Variants in NAT8 observed in about 807,000 individuals in gnomAD.
The protein encoded by NAT8 is N-acetyltransferase 8.
For missense variants in NAT8, 357 were observed against 287.1 expected, an observed-to-expected ratio of 1.24 and a Z score of -1.76; for synonymous variants, 131 against 115.4, an observed-to-expected ratio of 1.14 and a Z score of -0.87.
At position 73,641,519 on chromosome 2, in the gene NAT8, A is replaced by G. The variant is rs1676400011; in HGVS notation, c.110T>C (p.Leu37Pro). Residue 37 changes from leucine (L) to proline (P), a missense_variant, in exon 2 of 2, where the codon CTG becomes CCG. Physicochemically the swap from Leu to Pro is moderately conservative, Grantham distance 98. Coordinates refer to ENST00000272425, the MANE Select transcript of NAT8 (RefSeq NM_003960.4). ...GAGTATGAGGGTTCGAGGCAGCTTC[A>G]GCAATTGCCGGAAGGTGGCTGGGGC... The part of the protein sequence containing the change: ...EHAPATFRQL[L>P]KLPRTLILLL... 3.7e-6 allele frequency: 6 copies of G among 1,613,578 alleles called. No homozygotes were observed. Among genetic ancestry groups the G allele is most frequent in the Non-Finnish European group, 5.1e-6 (6 of 1,179,794 alleles).
rs1195933356 is a variant in NAT8 at position 73,641,314 on chromosome 2, A to G, written c.315T>C (p.Arg105=). Residue 105 remains arginine (R), a synonymous_variant, in exon 2 of 2, where the codon CGT becomes CGC. Coordinates refer to ENST00000272425, the MANE Select transcript of NAT8 (RefSeq NM_003960.4). ...SDITKSYLSE[R]GSCFWVAESE... Reference sequence around the variant, plus strand: ...ACTCAGCCACCCAGAAGCAGGAGCCACGCTCACTCAGGTAGGATTTGGTAA... The same window carrying G: ...ACTCAGCCACCCAGAAGCAGGAGCCGCGCTCACTCAGGTAGGATTTGGTAA... The G allele has an allele frequency of 6.2e-7, 1 of 1,614,144 alleles. No individual in the cohort carries two copies. Among genetic ancestry groups the G allele is most frequent in the Non-Finnish European group, 8.5e-7 (1 of 1,180,036 alleles).
chr2:73,640,924 A>T lies in NAT8; in HGVS notation c.*21T>A. 6.3e-7 allele frequency: 1 copy of T among 1,590,530 alleles called. No individual in the cohort carries two copies. Among genetic ancestry groups the T allele is most frequent in the Non-Finnish European group, 8.6e-7 (1 of 1,169,068 alleles). On this transcript the variant is annotated 3_prime_UTR_variant, in exon 2 of 2. Coordinates refer to ENST00000272425, the MANE Select transcript of NAT8 (RefSeq NM_003960.4). ...CTACAGCTGAATGGATTCTATTCTG[A>T]CCAATACACACAGAAAGAGATCACA...
In NAT8 at chr2:73,641,561, C is replaced by T. The variant is rs372902611; in HGVS notation, c.68G>A (p.Arg23Gln). 3.2e-5 allele frequency: 51 copies of T among 1,602,286 alleles called. No individual in the cohort carries two copies. Among genetic ancestry groups the T allele is most frequent in the African/African-American group, 2.3e-4 (17 of 74,894 alleles). Reference sequence around the variant, plus strand: ...GGCTGGGGCATGCTCGGCCATCCCCCGGGAGAGCAAGCCCACAACCCACTG... The same window carrying T: ...GGCTGGGGCATGCTCGGCCATCCCCTGGGAGAGCAAGCCCACAACCCACTG... Reference protein sequence around the residue: ...DRQWVVGLLSRGMAEHAPATF... With the variant: ...DRQWVVGLLSQGMAEHAPATF... Residue 23 changes from arginine (R) to glutamine (Q), a missense_variant, in exon 2 of 2, where the codon CGG becomes CAG. By Grantham distance (43) the Arg-to-Gln change is conservative. Coordinates refer to ENST00000272425, the MANE Select transcript of NAT8 (RefSeq NM_003960.4).
chr2:73,641,343 C>CA lies in NAT8; in HGVS notation c.285dup (p.Asp96Ter). On this transcript the variant is annotated frameshift_variant, in exon 2 of 2. Coordinates refer to ENST00000272425, the MANE Select transcript of NAT8 (RefSeq NM_003960.4). LOFTEE classifies it low-confidence loss of function (END_TRUNC). ...TCACTCAGGTAGGATTTGGTAATGT[C>CA]AGACATGTCTGTGCACAATGTCATG... 1 of 1,614,110 alleles carries CA rather than the reference C, an allele frequency of 6.2e-7. No homozygotes were observed. The highest frequency in any genetic ancestry group is 2.2e-5 in the East Asian group (1 of 44,874).
Position 73,640,817 on chromosome 2 carries a change from C to G in NAT8, c.*128G>C. ...CCAGAAGCTACCCCACAAGCAATCA[C>G]ATGGGACTCAGATGTGAATGGACAA... On this transcript the variant is annotated 3_prime_UTR_variant, in exon 2 of 2. Coordinates refer to ENST00000272425, the MANE Select transcript of NAT8 (RefSeq NM_003960.4). 4.8e-6 allele frequency: 5 copies of G among 1,035,446 alleles called. No homozygotes were observed. The highest frequency in any genetic ancestry group is 5.4e-6 in the Non-Finnish European group (4 of 736,122). 64.1% of individuals were successfully genotyped at this position (1,035,446 alleles called of 1,614,324 possible). A position where few individuals can be genotyped will look rare whatever the true frequency, so the allele number is the denominator to read the frequency against.
intron 1 of NAT8, 95 bp downstream of exon 1, chr2:73,642,223 A>T: frequency 6.6e-6 from 1 of 152,226 alleles, no homozygotes; most frequent in Non-Finnish European, 1.5e-5. Flanking sequence ...AGGTTGCTGA[A>T]GTGGCATAAG....
rs371135522 is a variant in NAT8 at position 73,641,716 on chromosome 2, A to G, written c.-74-14T>C. ...CTTTACGTCAGACTGGGGAAGAGAG[A>G]GAAAATCATGTGAGTGCCTGCATGG... On this transcript the variant is annotated splice_polypyrimidine_tract_variant and intron_variant, in intron 1 of 1. Coordinates refer to ENST00000272425, the MANE Select transcript of NAT8 (RefSeq NM_003960.4). 6.9e-6 allele frequency: 10 copies of G among 1,442,384 alleles called. No homozygotes were observed. The highest frequency in any genetic ancestry group is 2.3e-5 in the Admixed American group (1 of 42,740). The allele number at this position is 1,442,384 out of a possible 1,614,324, so 89.3% of individuals were successfully genotyped here. A position where few individuals can be genotyped will look rare whatever the true frequency, so the allele number is the denominator to read the frequency against.
rs922785375 is a variant in NAT8 at position 73,641,500 on chromosome 2, G to A, written c.129C>T (p.Leu43=). The change falls in exon 2 of 2, where the codon CTC becomes CTT. Residue 43 remains leucine (L), a synonymous_variant. Coordinates refer to ENST00000272425, the MANE Select transcript of NAT8 (RefSeq NM_003960.4). ...FRQLLKLPRT[L]ILLLGGPLAL... ...CGAGGGGCCCCCCAAGTAAGAGTATGAGGGTTCGAGGCAGCTTCAGCAATT... is the reference window on the plus strand; with the variant it reads ...CGAGGGGCCCCCCAAGTAAGAGTATAAGGGTTCGAGGCAGCTTCAGCAATT... 2.5e-6 allele frequency: 4 copies of A among 1,613,754 alleles called. No individual in the cohort carries two copies. In the African/African-American group the frequency reaches 5.3e-5, roughly 22 times the overall value.
At position 73,641,719 on chromosome 2, in the gene NAT8, A is replaced by C; in HGVS notation, c.-74-17T>G. On this transcript the variant is annotated splice_polypyrimidine_tract_variant and intron_variant, in intron 1 of 1. Transcript: ENST00000272425. ...TACGTCAGACTGGGGAAGAGAGAGA[A>C]AATCATGTGAGTGCCTGCATGGCTC... The C allele has an allele frequency of 7.0e-7, 1 of 1,428,246 alleles. No homozygotes were observed. The highest frequency in any genetic ancestry group is 9.4e-7 in the Non-Finnish European group (1 of 1,064,356). 88.5% of individuals were successfully genotyped at this position (1,428,246 alleles called of 1,614,324 possible).
chr2:73,641,493 A>G lies in NAT8; in HGVS notation c.136T>C (p.Leu46=), dbSNP rs745739704. The G allele has an allele frequency of 2.5e-6, 4 of 1,613,944 alleles. No homozygotes were observed. The highest frequency in any genetic ancestry group is 2.5e-6 in the Non-Finnish European group (3 of 1,179,956). Residue 46 remains leucine, a synonymous_variant, in exon 2 of 2, where the codon TTA becomes CTA. Transcript: ENST00000272425. ...AGTAGGGCGAGGGGCCCCCCAAGTA[A>G]GAGTATGAGGGTTCGAGGCAGCTTC... ...LLKLPRTLIL[L]LGGPLALLLV...
rs1204913049 is a variant in NAT8, at chr2:73,642,300, T to A, written c.-75+18A>T. 1.3e-5 allele frequency: 2 copies of A among 152,090 alleles called. No homozygotes were observed. The highest frequency in any genetic ancestry group is 2.9e-5 in the Non-Finnish European group (2 of 68,038). The allele number at this position is 152,090 out of a possible 1,614,324, so 9.4% of individuals were successfully genotyped here. A position where few individuals can be genotyped will look rare whatever the true frequency, so the allele number is the denominator to read the frequency against. On this transcript the variant is annotated intron_variant, in intron 1 of 1. Transcript: ENST00000272425. ...AGGTGCATGCTCAGAGCACTGTCCT[T>A]CCACCCAGTCCCCTCACCTGTCACC...
rs1170945502 is a variant in NAT8, at chr2:73,641,351, T to A, written c.278A>T (p.Asp93Val). The change falls in exon 2 of 2, where the codon GAC becomes GTC. Residue 93 changes from aspartate to valine, a missense_variant. Transcript: ENST00000272425. ...TEYVDMTLCT[D>V]MSDITKSYLS... ...GTAGGATTTGGTAATGTCAGACATGTCTGTGCACAATGTCATGTCCACATA... is the reference window on the plus strand; with the variant it reads ...GTAGGATTTGGTAATGTCAGACATGACTGTGCACAATGTCATGTCCACATA... 8 of 1,613,994 alleles carry A rather than the reference T, an allele frequency of 5.0e-6. No individual in the cohort carries two copies. Among genetic ancestry groups the A allele is most frequent in the Admixed American group, 1.7e-5 (1 of 59,940 alleles).
rs968546261 is a variant in NAT8 at position 73,642,341 on chromosome 2, G to T, written c.-98C>A. ...ACCTGTCACCACAAGAGCCTTGAGT[G>T]TCCAGGGAGCTTCAGCTCTCAGCCG... is the stretch of plus-strand genomic sequence containing the variant. On this transcript the variant is annotated 5_prime_UTR_variant, in exon 1 of 2. Transcript: ENST00000272425. 12 of 152,356 alleles carry T rather than the reference G, an allele frequency of 7.9e-5. 1 individual carries two copies. Among genetic ancestry groups the T allele is most frequent in the African/African-American group, 2.9e-4 (12 of 41,570 alleles). 9.4% of individuals were successfully genotyped at this position (152,356 alleles called of 1,614,324 possible). A position where few individuals can be genotyped will look rare whatever the true frequency, so the allele number is the denominator to read the frequency against.
Position 73,641,740 on chromosome 2 carries a change from G to A in NAT8, c.-74-38C>T. 3.0e-6 allele frequency: 4 copies of A among 1,339,904 alleles called. 1 individual carries two copies. The highest frequency in any genetic ancestry group is 3.0e-6 in the Non-Finnish European group (3 of 990,542). 83.0% of individuals were successfully genotyped at this position (1,339,904 alleles called of 1,614,324 possible). ...GAGAAAATCATGTGAGTGCCTGCAT[G>A]GCTCCCAGCCTTGCAGGAACAGGGA... On this transcript the variant is annotated intron_variant, in intron 1 of 1. Coordinates refer to ENST00000272425, the MANE Select transcript of NAT8 (RefSeq NM_003960.4).
In NAT8 at chr2:73,640,746, A is replaced by G; in HGVS notation, c.*199T>C. 2 of 574,092 alleles carry G rather than the reference A, an allele frequency of 3.5e-6. No homozygotes were observed. The highest frequency in any genetic ancestry group is 3.1e-5 in the South Asian group (1 of 32,294). The allele number at this position is 574,092 out of a possible 1,614,324, so 35.6% of individuals were successfully genotyped here. A position where few individuals can be genotyped will look rare whatever the true frequency, so the allele number is the denominator to read the frequency against. On this transcript the variant is annotated 3_prime_UTR_variant, in exon 2 of 2. Transcript: ENST00000272425. ...TTATGCAACATTATGCTGGCACTAG[A>G]AAAATGAAACAGATGGGAATCAAAA...
At position 73,641,427 on chromosome 2, in the gene NAT8, T is replaced by G. The variant is rs1676396900; in HGVS notation, c.202A>C (p.Ile68Leu). Residue 68 changes from isoleucine (I) to leucine (L), a missense_variant, in exon 2 of 2, where the codon ATC becomes CTC. Physicochemically the swap from Ile to Leu is conservative, Grantham distance 5 (BLOSUM62 2). Transcript: ENST00000272425. ...GSWLLALVFS[I>L]SLFPALWFLA... Reference sequence around the variant, plus strand: ...AACCACAGGGCAGGGAAGAGGCTGATGCTGAACACGAGGGCTAGAAGCCAG... The same window carrying G: ...AACCACAGGGCAGGGAAGAGGCTGAGGCTGAACACGAGGGCTAGAAGCCAG... 2 of 1,614,092 alleles carry G rather than the reference T, an allele frequency of 1.2e-6. No homozygotes were observed. Among genetic ancestry groups the G allele is most frequent in the South Asian group, 1.1e-5 (1 of 91,080 alleles).
Position 73,641,489 on chromosome 2 carries a change from A to G in NAT8, c.140T>C (p.Leu47Pro), listed in dbSNP as rs778922687. ...LKLPRTLILL[L>P]GGPLALLLVS... Reference sequence around the variant, plus strand: ...CAGGAGTAGGGCGAGGGGCCCCCCAAGTAAGAGTATGAGGGTTCGAGGCAG... The same window carrying G: ...CAGGAGTAGGGCGAGGGGCCCCCCAGGTAAGAGTATGAGGGTTCGAGGCAG... The change falls in exon 2 of 2, where the codon CTT (leucine) becomes CCT (proline). Residue 47 changes from leucine to proline, a missense_variant. Physicochemically the swap from Leu to Pro is moderately conservative, Grantham distance 98. Coordinates refer to ENST00000272425, the MANE Select transcript of NAT8 (RefSeq NM_003960.4). 7.2e-5 allele frequency: 116 copies of G among 1,613,876 alleles called. 1 individual carries two copies. In the Admixed American group the frequency reaches 1.6e-3, roughly 23 times the overall value.
At position 73,640,996 on chromosome 2, in the gene NAT8, A is replaced by G; in HGVS notation, c.633T>C (p.His211=). The G allele has an allele frequency of 1.2e-6, 2 of 1,614,096 alleles. No homozygotes were observed. Among genetic ancestry groups the G allele is most frequent in the South Asian group, 2.2e-5 (2 of 91,080 alleles). ...FCVWARLVAL[H]TVHFIYHLPS... ...GGAGGTGGTAGATGAAATGAACTGT[A>G]TGAAGAGCCACTAGCCTGGCCCACA... Residue 211 remains histidine, a synonymous_variant, in exon 2 of 2, where the codon CAT becomes CAC. Transcript: ENST00000272425.
rs764655777 is a variant in NAT8, at chr2:73,641,374, A to G, written c.255T>C (p.Tyr85=). 7 of 1,614,116 alleles carry G rather than the reference A, an allele frequency of 4.3e-6. No individual in the cohort carries two copies. The highest frequency in any genetic ancestry group is 1.1e-5 in the South Asian group (1 of 91,078). Residue 85 remains tyrosine, a synonymous_variant, in exon 2 of 2, where the codon TAT becomes TAC. Transcript: ENST00000272425. ...TGTCTGTGCACAATGTCATGTCCAC[A>G]TACTCCGTCCAGGGTTTTTTGGCAA... ...WFLAKKPWTE[Y]VDMTLCTDMS...
Sources: gnomAD v4.1 joint callset for allele counts on GRCh38, gnomAD v4.1.1 for gene constraint, MANE v1.5 for transcripts, NCBI Gene and HGNC (gene_info 2026-07-23, HGNC 2026-07-21) for gene names.